Variants in ZNF607 observed in about 807,000 individuals in gnomAD.
The protein encoded by ZNF607 is zinc finger protein 607.
ZNF607 carries 5 observed loss-of-function variants against 12.8 expected under a neutral mutation model. That is an observed-to-expected ratio of 0.39 (90% confidence interval 0.20 to 0.82). ZNF607 has a LOEUF of 0.82. Among genes scored for constraint, ZNF607 ranks in the 40% least tolerant of loss-of-function variants. The pLI, the probability that ZNF607 is intolerant of heterozygous loss-of-function variation, is 0.39. For synonymous variants in ZNF607, 287 were observed against 276.2 expected (o/e 1.04, Z -0.39); for missense variants, 851 against 859.2 (o/e 0.99, Z 0.12).
At chr19:37,711,772 T>C in intron 1 of ZNF607, 80 bp from the exon 2 acceptor site, 4 of 653,386 alleles carry the variant, frequency 6.1e-6, no homozygotes, top group Non-Finnish European at 1.1e-5. Context: ...TGTTTTCCTC[T>C]TCCATTCCAA....
rs572639589 is a variant in ZNF607, at chr19:37,700,770, G to A, written c.236-875C>T. On this transcript the variant is annotated intron_variant, in intron 4 of 4. Transcript: ENST00000355202. ...TAAAGATAAAAGCAGAATGTGATGG[G>A]TTAGGAAACGGAATAGTGTCAACAC... is the stretch of plus-strand genomic sequence containing the variant. Among the ~76,000 whole-genome samples the A allele has an allele frequency of 2.0e-5, 3 of 152,194 alleles. No individual in the cohort carries two copies. In the South Asian group the frequency reaches 6.2e-4, roughly 32 times the overall value.
At position 37,699,677 on chromosome 19, in the gene ZNF607, T is replaced by C. The variant is rs1202573823; in HGVS notation, c.454A>G (p.Ser152Gly). The C allele has an allele frequency of 6.2e-7, 1 of 1,614,150 alleles. No homozygotes were observed. Among genetic ancestry groups the C allele is most frequent in the Admixed American group, 1.7e-5 (1 of 60,024 alleles). Residue 152 changes from serine (S) to glycine (G), a missense_variant, in exon 5 of 5, where the codon AGC becomes GGC. Coordinates refer to ENST00000355202, the MANE Select transcript of ZNF607 (RefSeq NM_032689.5). The stretch of plus-strand genomic sequence containing the variant: ...TGCTTTCTAAGGTCTGTAAGATGGC[T>C]AAATGCCTTCCTAAACTTTTCACAT... ...DQCEKFRKAFSHLTDLRKHQK... is the reference protein window; with the variant it reads ...DQCEKFRKAFGHLTDLRKHQK...
At chr19:37,718,004 T>G (rs1366037177) in intron 1 of ZNF607, among the ~76,000 whole-genome samples, 1 of 152,090 alleles carries the variant, frequency 6.6e-6, no homozygotes, top group Non-Finnish European at 1.5e-5. Context: ...TTCTTAACCA[T>G]TCCCATAATC....
At chr19:37,705,382 T>A (rs557005882) in intron 4 of ZNF607, among the ~76,000 whole-genome samples, 1 of 152,186 alleles carries the variant, frequency 6.6e-6, no homozygotes, top group South Asian at 2.1e-4. Context: ...TTTAAGCTGG[T>A]CGGGCCCTTC....
intron 4 of ZNF607, among the ~76,000 whole-genome samples, chr19:37,701,383 T>C (rs2045037277): frequency 6.6e-6 from 1 of 152,210 alleles, no homozygotes; most frequent in African/African-American, 2.4e-5. Context: ...CCTAAATCAT[T>C]CTGATCACCT....
At chr19:37,704,923 C>G (rs1042246899) in intron 4 of ZNF607, among the ~76,000 whole-genome samples, 13 of 152,104 alleles carry the variant, frequency 8.5e-5, no homozygotes, top group African/African-American at 3.1e-4. Context: ...TGCACTCCAG[C>G]CTGGGCAACA....
At chr19:37,708,264 C>T (rs979757793) in intron 3 of ZNF607, among the ~76,000 whole-genome samples, 3 of 151,152 alleles carry the variant, frequency 2.0e-5, no homozygotes, top group African/African-American at 4.9e-5. Context: ...GGCGCCATCT[C>T]GGCACACCAC....
chr19:37,706,692 T>G (rs1049874518), intron 4 of ZNF607: 11 of 152,186 alleles, frequency 7.2e-5, no homozygotes, highest in African/African-American at 2.7e-4. Context: ...GACAAGAATT[T>G]CTTAATTTTT....
chr19:37,697,862 G>T lies in ZNF607; in HGVS notation c.*178C>A. ...CTGAGTTAACACAGGTCATACCAAA[G>T]AAACTGCATATATGATTTACATTTT... On this transcript the variant is annotated 3_prime_UTR_variant, in exon 5 of 5. Coordinates refer to ENST00000355202, the MANE Select transcript of ZNF607 (RefSeq NM_032689.5). 3.6e-6 allele frequency: 2 copies of T among 550,986 alleles called. No homozygotes were observed. The highest frequency in any genetic ancestry group is 6.2e-5 in the South Asian group (2 of 32,204). The allele number at this position is 550,986 out of a possible 1,614,324, so 34.1% of individuals were successfully genotyped here.
Position 37,697,616 on chromosome 19 carries a change from C to T in ZNF607, c.*424G>A. 2.4e-6 allele frequency: 1 copy of T among 411,996 alleles called. No homozygotes were observed. Among genetic ancestry groups the T allele is most frequent in the South Asian group, 2.8e-5 (1 of 36,300 alleles). 25.5% of individuals were successfully genotyped at this position (411,996 alleles called of 1,614,324 possible). ...TGCAGAGTGGCTAAATAGCCTTTCC[C>T]ATCATCGCTTATATCAACAGAGGTT... On this transcript the variant is annotated 3_prime_UTR_variant, in exon 5 of 5. Coordinates refer to ENST00000355202, the MANE Select transcript of ZNF607 (RefSeq NM_032689.5).
Position 37,696,645 on chromosome 19 carries a change from C to A in ZNF607, c.*1395G>T. ...ACTAGGGCAGCTGGAGGAGCACGGA[C>A]TGCCCTGCCGGCAGGCAGGTGATGT... On this transcript the variant is annotated 3_prime_UTR_variant, in exon 5 of 5. Coordinates refer to ENST00000355202, the MANE Select transcript of ZNF607 (RefSeq NM_032689.5). 1.5e-6 allele frequency: 1 copy of A among 650,264 alleles called. No homozygotes were observed. The allele number at this position is 650,264 out of a possible 1,614,324, so 40.3% of individuals were successfully genotyped here. A position where few individuals can be genotyped will look rare whatever the true frequency, so the allele number is the denominator to read the frequency against.
chr19:37,698,769 A>C lies in ZNF607; in HGVS notation c.1362T>G (p.Cys454Trp), dbSNP rs1249776715. Residue 454 changes from cysteine (C) to tryptophan (W), a missense_variant, in exon 5 of 5, where the codon TGT becomes TGG. Cys to Trp is a radical substitution (Grantham distance 215). Coordinates refer to ENST00000355202, the MANE Select transcript of ZNF607 (RefSeq NM_032689.5). ...TGYKPFECKE[C>W]GKSFRCASYL... Reference sequence around the variant, plus strand: ...ATGAGGCACAACGAAAGGACTTCCCACATTCTTTACATTCAAAGGGTTTGT... The same window carrying C: ...ATGAGGCACAACGAAAGGACTTCCCCCATTCTTTACATTCAAAGGGTTTGT... 1.2e-6 allele frequency: 2 copies of C among 1,613,536 alleles called. No individual in the cohort carries two copies. The highest frequency in any genetic ancestry group is 3.3e-5 in the Admixed American group (2 of 59,962).
chr19:37,712,831 G>A (rs758707545), intron 1 of ZNF607, among the ~76,000 whole-genome samples: 1 of 152,056 alleles, frequency 6.6e-6, no homozygotes, highest in Non-Finnish European at 1.5e-5. Flanking sequence ...CTTACTGAAT[G>A]GCTTATCTTC....
chr19:37,709,464 A>G (rs2045113226), intron 3 of ZNF607, among the ~76,000 whole-genome samples: 1 of 152,230 alleles, frequency 6.6e-6, no homozygotes, highest in Non-Finnish European at 1.5e-5. Context: ...TTAAAGAGAC[A>G]AATAAAAGAG....
chr19:37,713,661 A>C (rs554406592), intron 1 of ZNF607, among the ~76,000 whole-genome samples: 49 of 152,008 alleles, frequency 3.2e-4, no homozygotes, highest in Non-Finnish European at 5.0e-4. Context: ...GGCTGGTCTC[A>C]AACTCTTGAC....
chr19:37,708,763 A>C (rs2045107476), intron 3 of ZNF607, among the ~76,000 whole-genome samples: 1 of 150,358 alleles, frequency 6.7e-6, no homozygotes, highest in Non-Finnish European at 1.5e-5. Context: ...CAGGAGAATC[A>C]CTTTAACCCG....
At chr19:37,700,012 TA>T in intron 4 of ZNF607, 117 bp from the exon 5 acceptor site, 1 of 1,009,428 alleles carries the variant, frequency 9.9e-7, no homozygotes, top group East Asian at 2.7e-5. Context: ...TTATAAAATA[TA>T]AAAAATGAAA....
In ZNF607 at chr19:37,717,570, TG is replaced by T. The variant is rs1416478759; in HGVS notation, c.-75+1698del. Among the ~76,000 whole-genome samples, 3 of 144,728 alleles carry T rather than the reference TG, an allele frequency of 2.1e-5. No homozygotes were observed. In the East Asian group the frequency reaches 6.2e-4, roughly 30 times the overall value. 94.9% of individuals were successfully genotyped at this position (144,728 alleles called of 152,430 possible). ...CAACACTTTGGGAGGCCAAGGTGGG[TG>T]GATCACCTGAGGTTGGGAGTTCAAG... On this transcript the variant is annotated intron_variant, in intron 1 of 4. Transcript: ENST00000355202.
chr19:37,699,272 C>T lies in ZNF607; in HGVS notation c.859G>A (p.Gly287Arg). The change falls in exon 5 of 5, where the codon GGA becomes AGA. Residue 287 changes from glycine to arginine, a missense_variant. Coordinates refer to ENST00000355202, the MANE Select transcript of ZNF607 (RefSeq NM_032689.5). ...TGGGAAAACTGACGAAAGGCCTTTC[C>T]ACATTCCTTACATTCATGTGGCTTC... is the stretch of plus-strand genomic sequence containing the variant. The part of the protein sequence containing the change: ...GEKPHECKEC[G>R]KAFRQFSHLV... The T allele has an allele frequency of 1.2e-6, 2 of 1,614,034 alleles. No individual in the cohort carries two copies. Among genetic ancestry groups the T allele is most frequent in the Non-Finnish European group, 1.7e-6 (2 of 1,180,016 alleles).
Sources: gnomAD v4.1 joint callset for allele counts (sites outside exome capture counted in the v4.1 genomes callset) on GRCh38, gnomAD v4.1.1 for gene constraint, MANE v1.5 for transcripts, NCBI Gene and HGNC (gene_info 2026-07-23, HGNC 2026-07-21) for gene names.